The following MPDZ variants were observed in gnomAD, a reference collection of about 807,000 sequenced individuals.
MPDZ encodes multiple PDZ domain crumbs cell polarity complex component.
In MPDZ, 234 loss-of-function variants were observed where a neutral mutation model predicts 239.1. The observed-to-expected ratio is 0.98, with a 90% CI of 0.88 to 1.09. The LOEUF is 1.09. Ranked by LOEUF, MPDZ falls within the 50% of genes least tolerant of loss-of-function variation. MPDZ has a pLI of 0.00. For missense variants in MPDZ, 3,175 were observed against 2,510.0 expected (o/e 1.26, Z -5.66); for synonymous variants, 1,048 against 881.3 (o/e 1.19, Z -3.35).
At chr9:13,213,074 T>C (rs1365297519) in intron 10 of MPDZ, among the ~76,000 whole-genome samples, 1 of 152,148 alleles carries the variant, frequency 6.6e-6, no homozygotes, top group Non-Finnish European at 1.5e-5. Flanking sequence ...TTATCAATCA[T>C]AATTTCCTAC....
intron 2 of MPDZ, among the ~76,000 whole-genome samples, chr9:13,248,168 C>T (rs1446567251): frequency 2.7e-5 from 4 of 146,798 alleles, no homozygotes; most frequent in Non-Finnish European, 4.4e-5. Context: ...GCAGAGGTTG[C>T]AGTGAGCCGA....
rs189854763 is a variant in MPDZ at position 13,132,455 on chromosome 9, G to T, written c.4464+1369C>A. 1.7e-4 allele frequency among the ~76,000 whole-genome samples: 26 copies of T among 152,254 alleles called. 1 individual carries two copies. The highest frequency in any genetic ancestry group is 6.3e-4 in the African/African-American group (26 of 41,574). On this transcript the variant is annotated intron_variant, in intron 32 of 46. Transcript: ENST00000319217. The stretch of plus-strand genomic sequence containing the variant: ...GTTTGGAAATGAACGTCCTTGGGAG[G>T]TTCTGAGTAGGGGATTAAGATGCTA...
At chr9:13,107,155 G>T (rs768538172) in intron 46 of MPDZ, 44 bp from the exon 47 acceptor site, 2 of 1,520,166 alleles carry the variant, frequency 1.3e-6, no homozygotes, top group Admixed American at 1.8e-5. Context: ...AAAAAATGCT[G>T]CCTTGCAACT....
intron 15 of MPDZ, among the ~76,000 whole-genome samples, chr9:13,191,092 C>T (rs1198099318): frequency 2.0e-5 from 3 of 152,034 alleles, no homozygotes; most frequent in Non-Finnish European, 2.9e-5. Flanking sequence ...TCAATTATTG[C>T]ACAGCCTAGG....
chr9:13,132,450 G>C (rs1010075635), intron 32 of MPDZ, among the ~76,000 whole-genome samples: 3 of 152,118 alleles, frequency 2.0e-5, no homozygotes, highest in Non-Finnish European at 4.4e-5. Context: ...GAACGTCCTT[G>C]GGAGGTTCTG....
chr9:13,218,869 C>T (rs1427990678), intron 8 of MPDZ, among the ~76,000 whole-genome samples: 2 of 151,792 alleles, frequency 1.3e-5, no homozygotes, highest in African/African-American at 4.8e-5. Context: ...CTGAGATACC[C>T]ACTACTTTCC....
intron 3 of MPDZ, among the ~76,000 whole-genome samples, chr9:13,238,178 G>A (rs1002553677): frequency 3.3e-5 from 5 of 152,192 alleles, no homozygotes; most frequent in Non-Finnish European, 7.3e-5. Flanking sequence ...GCTTGCACAG[G>A]TGAATGCCAG....
chr9:13,262,714 A>C (rs1037287647), intron 1 of MPDZ, among the ~76,000 whole-genome samples: 2 of 152,136 alleles, frequency 1.3e-5, no homozygotes, highest in African/African-American at 4.8e-5. Context: ...ACACAAAACA[A>C]GGGCAACAAA....
rs1180830670 is a variant in MPDZ at position 13,196,131 on chromosome 9, T to C, written c.1646A>G (p.Tyr549Cys). The C allele has an allele frequency of 1.9e-6, 3 of 1,595,392 alleles. No individual in the cohort carries two copies. Among genetic ancestry groups the C allele is most frequent in the Admixed American group, 1.7e-5 (1 of 57,800 alleles). Residue 549 changes from tyrosine to cysteine, a missense_variant, in exon 13 of 47, where the codon TAT (tyrosine) becomes TGT (cysteine). Tyr to Cys is a radical substitution (Grantham distance 194, BLOSUM62 -2). Coordinates refer to ENST00000319217, the MANE Select transcript of MPDZ (RefSeq NM_001378778.1). Reference sequence around the variant, plus strand: ...GGTCAGCTAACCTACCACTATTTCATAGTTAATTCCCATAATCCTTTGCCA... The same window carrying C: ...GGTCAGCTAACCTACCACTATTTCACAGTTAATTCCCATAATCCTTTGCCA... ...TKWQRIMGINYEIVVAHVSKF... is the reference protein window; with the variant it reads ...TKWQRIMGINCEIVVAHVSKF...
intron 32 of MPDZ, among the ~76,000 whole-genome samples, chr9:13,131,724 C>T (rs1414045692): frequency 6.6e-6 from 1 of 152,208 alleles, no homozygotes; most frequent in East Asian, 1.9e-4. Context: ...CTGGGATCCA[C>T]TGTCTTGTGG....
At chr9:13,132,667 G>C (rs1183793614) in intron 32 of MPDZ, among the ~76,000 whole-genome samples, 2 of 152,114 alleles carry the variant, frequency 1.3e-5, no homozygotes, top group East Asian at 1.9e-4. Context: ...GCTGGAAACT[G>C]AACATATGTA....
At chr9:13,174,369 A>C (rs936624488) in intron 21 of MPDZ, among the ~76,000 whole-genome samples, 2 of 152,200 alleles carry the variant, frequency 1.3e-5, no homozygotes, top group African/African-American at 4.8e-5. Context: ...AATGTTTGCT[A>C]GTTGAGTAAA....
intron 3 of MPDZ, among the ~76,000 whole-genome samples, chr9:13,236,265 ATATTTTTTT>A (rs1442275128): frequency 1.3e-3 from 12 of 9,206 alleles, no homozygotes; most frequent in East Asian, 0.011. Context: ...ATATATATAT[ATATTTTTTT>A]TTTTTTTTTT....
intron 3 of MPDZ, among the ~76,000 whole-genome samples, chr9:13,242,967 G>A (rs1326471978): frequency 6.6e-6 from 1 of 152,172 alleles, no homozygotes; most frequent in African/African-American, 2.4e-5. Flanking sequence ...CGGGAATGGA[G>A]AGCATAAAAT....
intron 2 of MPDZ, among the ~76,000 whole-genome samples, chr9:13,248,615 T>G (rs1966964092): frequency 6.6e-6 from 1 of 152,002 alleles, no homozygotes; most frequent in African/African-American, 2.4e-5. Flanking sequence ...ATTACTTAGA[T>G]TCATGATGGT....
chr9:13,201,088 A>G (rs1030260365), intron 12 of MPDZ, among the ~76,000 whole-genome samples: 3 of 151,908 alleles, frequency 2.0e-5, no homozygotes, highest in Admixed American at 2.0e-4. Flanking sequence ...GGGTGCTCTG[A>G]TGTTGGGTGT....
chr9:13,114,717 T>G (rs530236394), intron 40 of MPDZ, among the ~76,000 whole-genome samples: 5 of 151,946 alleles, frequency 3.3e-5, no homozygotes, highest in Non-Finnish European at 7.4e-5. Context: ...CTGGCTGACA[T>G]GGCGAAACCC....
Position 13,262,058 on chromosome 9 carries a change from T to G in MPDZ, c.-57-11686A>C, listed in dbSNP as rs568041030. 6.8e-4 allele frequency among the ~76,000 whole-genome samples: 102 copies of G among 149,784 alleles called. 1 individual carries two copies. The highest frequency in any genetic ancestry group is 1.9e-3 in the South Asian group (9 of 4,718). On this transcript the variant is annotated intron_variant, in intron 1 of 46. Transcript: ENST00000319217. ...AGACCCTGTTCCTAGAAAATGAAAA[T>G]TAAAAATTAAAAAAAAAAGGAATGT...
rs376889484 is a variant in MPDZ, at chr9:13,205,907, T to A, written c.1474+9A>T. The stretch of plus-strand genomic sequence containing the variant: ...GGTCTAACTAAAAACCAGATTAACA[T>A]AGGATTACCTTTGATTATGCTGGCA... On this transcript the variant is annotated intron_variant, in intron 11 of 46. Coordinates refer to ENST00000319217, the MANE Select transcript of MPDZ (RefSeq NM_001378778.1). The A allele has an allele frequency of 7.0e-6, 11 of 1,566,378 alleles. No homozygotes were observed. Among genetic ancestry groups the A allele is most frequent in the African/African-American group, 5.5e-5 (4 of 72,882 alleles).
Sources: gnomAD v4.1 joint callset for allele counts (sites outside exome capture counted in the v4.1 genomes callset) on GRCh38, gnomAD v4.1.1 for gene constraint, MANE v1.5 for transcripts, NCBI Gene and HGNC (gene_info 2026-07-23, HGNC 2026-07-21) for gene names.